The following MTUS2 variants were observed in gnomAD, a reference collection of about 807,000 sequenced individuals.
MTUS2 encodes microtubule associated scaffold protein 2.
Under a neutral mutation model 114.1 loss-of-function variants are expected in MTUS2, and 40 were observed. The observed-to-expected ratio is 0.35, with a 90% CI of 0.27 to 0.46. The LOEUF (loss-of-function observed/expected upper bound fraction) is 0.46. Ranked by LOEUF, MTUS2 falls within the 20% of genes least tolerant of loss-of-function variation. The pLI, the probability that MTUS2 is intolerant of heterozygous loss-of-function variation, is 1.00. For missense variants in MTUS2, 1,679 were observed against 1,705.4 expected (o/e 0.98, Z 0.27); for synonymous variants, 688 against 672.0 (o/e 1.02, Z -0.37).
At chr13:29,228,381 C>T (rs999699418) in intron 5 of MTUS2, among the ~76,000 whole-genome samples, 1 of 152,186 alleles carries the variant, frequency 6.6e-6, no homozygotes, top group African/African-American at 2.4e-5. Flanking sequence ...AGTACAGTGA[C>T]GTGACCATAG....
At chr13:29,434,494 G>T (rs1216483763) in intron 8 of MTUS2, among the ~76,000 whole-genome samples, 2 of 152,166 alleles carry the variant, frequency 1.3e-5, no homozygotes, top group Non-Finnish European at 2.9e-5. Context: ...CACATAGTAG[G>T]CACTCAGTGA....
intron 2 of MTUS2, among the ~76,000 whole-genome samples, chr13:28,887,984 T>C (rs570392000): frequency 1.4e-3 from 214 of 152,352 alleles, no homozygotes; most frequent in African/African-American, 4.4e-3. Context: ...TCTCCTTGTC[T>C]CAGACACCTT....
rs140077342 is a variant in MTUS2, at chr13:29,118,793, T to G, written c.2644+17823T>G. On this transcript the variant is annotated intron_variant, in intron 5 of 15. Transcript: ENST00000612955. ...CTAGGACTATAGGAGAGTGGGCATC[T>G]TGACACTGACTTGTGCTGTCACCTT... 8.5e-5 allele frequency among the ~76,000 whole-genome samples: 13 copies of G among 152,300 alleles called. No individual in the cohort carries two copies. The East Asian group carries it at 2.3e-3, about 27-fold the overall frequency.
chr13:29,407,894 C>T (rs897647917), intron 8 of MTUS2, among the ~76,000 whole-genome samples: 1 of 152,126 alleles, frequency 6.6e-6, no homozygotes, highest in South Asian at 2.1e-4. Flanking sequence ...TGGTTTGAAT[C>T]GGTGTCATAT....
chr13:29,254,306 G>A (rs1897224666), intron 5 of MTUS2, among the ~76,000 whole-genome samples: 1 of 152,202 alleles, frequency 6.6e-6, no homozygotes, highest in Non-Finnish European at 1.5e-5. Flanking sequence ...GTGAGTAAAG[G>A]AGGCAACGAA....
chr13:28,962,748 C>G (rs1883387466), intron 2 of MTUS2, among the ~76,000 whole-genome samples: 1 of 152,130 alleles, frequency 6.6e-6, no homozygotes, highest in South Asian at 2.1e-4. Context: ...AGAGTCCTCT[C>G]TACCCAGGAC....
Position 28,878,253 on chromosome 13 carries a change from G to A in MTUS2, c.-243+38403G>A, listed in dbSNP as rs9508182. Among the ~76,000 whole-genome samples the A allele has an allele frequency of 3.5e-3, 532 of 151,152 alleles. 3 individuals carry two copies. Among genetic ancestry groups the A allele is most frequent in the African/African-American group, 0.012 (499 of 40,790 alleles). On this transcript the variant is annotated intron_variant, in intron 2 of 15. Coordinates refer to ENST00000612955, the MANE Select transcript of MTUS2 (RefSeq NM_001033602.4). ...TGTGTGTATATATATGTATATATGT[G>A]TGTGTGTGTATATGTGTATATATGT...
chr13:29,334,224 A>G (rs1226420185), intron 7 of MTUS2, among the ~76,000 whole-genome samples: 1 of 152,060 alleles, frequency 6.6e-6, no homozygotes, highest in Admixed American at 6.6e-5. Context: ...TAATATTATT[A>G]TGTGTGAATT....
At chr13:28,906,286 C>T (rs1053322412) in intron 2 of MTUS2, among the ~76,000 whole-genome samples, 2 of 150,944 alleles carry the variant, frequency 1.3e-5, no homozygotes, top group African/African-American at 4.9e-5. Context: ...TTATTTCTTG[C>T]CTTCTGCTAG....
intron 6 of MTUS2, among the ~76,000 whole-genome samples, chr13:29,322,031 T>G (rs530360456): frequency 6.6e-6 from 1 of 152,324 alleles, no homozygotes; most frequent in South Asian, 2.1e-4. Flanking sequence ...ATATATGTTA[T>G]AATTTATGTT....
At chr13:29,394,806 A>G (rs915255761) in intron 8 of MTUS2, among the ~76,000 whole-genome samples, 2 of 152,116 alleles carry the variant, frequency 1.3e-5, no homozygotes, top group African/African-American at 4.8e-5. Flanking sequence ...TTCGATTCTC[A>G]TAGGAACACA....
chr13:29,214,490 C>T lies in MTUS2; in HGVS notation c.2645-67214C>T, dbSNP rs1313720820. ...ACATTTTGGTATATTTTTGCAGTAC[C>T]TGGTACTGGTTGTTCCTTTCCGTGG... On this transcript the variant is annotated intron_variant, in intron 5 of 15. Coordinates refer to ENST00000612955, the MANE Select transcript of MTUS2 (RefSeq NM_001033602.4). Among the ~76,000 whole-genome samples the T allele has an allele frequency of 2.6e-5, 4 of 152,134 alleles. No homozygotes were observed. In the South Asian group the frequency reaches 6.2e-4, roughly 24 times the overall value.
At chr13:29,323,005 G>T (rs556896644) in intron 6 of MTUS2, among the ~76,000 whole-genome samples, 17 of 152,306 alleles carry the variant, frequency 1.1e-4, no homozygotes, top group African/African-American at 4.1e-4. Flanking sequence ...CTCAGACACT[G>T]TTTGTTGGGA....
intron 8 of MTUS2, among the ~76,000 whole-genome samples, chr13:29,416,102 T>A (rs9579370): frequency 7.7e-6 from 1 of 130,470 alleles, no homozygotes; most frequent in Non-Finnish European, 1.7e-5. Flanking sequence ...TTTTTTTTTG[T>A]ATTTTTAGTA....
chr13:29,485,783 C>T (rs1164371660), intron 10 of MTUS2, among the ~76,000 whole-genome samples: 1 of 152,192 alleles, frequency 6.6e-6, no homozygotes, highest in Non-Finnish European at 1.5e-5. Flanking sequence ...TCTTCTGAAA[C>T]TTAGTTCTTC....
intron 4 of MTUS2, among the ~76,000 whole-genome samples, chr13:29,077,484 A>T (rs1433609533): frequency 6.6e-6 from 1 of 152,182 alleles, no homozygotes; most frequent in Non-Finnish European, 1.5e-5. Flanking sequence ...TAAGGAAAAC[A>T]TGGCCCTTGA....
chr13:29,395,332 G>C (rs1873829511), intron 8 of MTUS2, among the ~76,000 whole-genome samples: 1 of 152,144 alleles, frequency 6.6e-6, no homozygotes, highest in African/African-American at 2.4e-5. Flanking sequence ...TTTCGACCAA[G>C]GTGTTGGCGA....
chr13:29,415,826 G>T (rs1213572217), intron 8 of MTUS2, among the ~76,000 whole-genome samples: 1 of 151,654 alleles, frequency 6.6e-6, no homozygotes, highest in South Asian at 2.1e-4. Context: ...TAAGAAGTTT[G>T]TTGTTGTTGT....
intron 5 of MTUS2, among the ~76,000 whole-genome samples, chr13:29,267,699 G>A (rs1428931248): frequency 6.6e-6 from 1 of 152,172 alleles, no homozygotes; most frequent in Non-Finnish European, 1.5e-5. Flanking sequence ...GTTCATGGTT[G>A]ATATCACGAG....
Sources: allele counts gnomAD v4.1 joint callset (sites outside exome capture counted in the v4.1 genomes callset), GRCh38; gene constraint gnomAD v4.1.1; transcripts MANE v1.5; gene names NCBI Gene and HGNC (gene_info 2026-07-23, HGNC 2026-07-21).